Variants in HLA-DQB1 observed in about 807,000 individuals in gnomAD.
The protein encoded by HLA-DQB1 is HLA class II histocompatibility antigen, DQ beta 1 chain.
Under a neutral mutation model 26.4 loss-of-function variants are expected in HLA-DQB1, and 13 were observed. That is an observed-to-expected ratio of 0.49 (90% CI 0.32 to 0.78). HLA-DQB1 has a LOEUF of 0.78. Among genes scored for constraint, HLA-DQB1 ranks in the 30% least tolerant of loss-of-function variants. The pLI, the probability that HLA-DQB1 is intolerant of heterozygous loss-of-function variation, is 0.03. For synonymous variants in HLA-DQB1, 60 were observed against 129.1 expected (o/e 0.46, Z 3.63); for missense variants, 158 against 326.2 (o/e 0.48, Z 3.97).
Position 32,662,254 on chromosome 6 carries a change from G to T in HLA-DQB1, c.380-6C>A, listed in dbSNP as rs281864105. The T allele has an allele frequency of 4.0e-6, 5 of 1,265,770 alleles. No individual in the cohort carries two copies. The highest frequency in any genetic ancestry group is 3.2e-6 in the Non-Finnish European group (3 of 931,636). The allele number at this position is 1,265,770 out of a possible 1,614,324, so 78.4% of individuals were successfully genotyped here. A position where few individuals can be genotyped will look rare whatever the true frequency, so the allele number is the denominator to read the frequency against. On this transcript the variant is annotated splice_polypyrimidine_tract_variant and splice_region_variant and intron_variant, in intron 2 of 4. Transcript: ENST00000434651. ...GATGGTCACTGTGGGCTCCACTGAGGGCAGTAACAGACAGGAAAAGACATA... is the reference window on the plus strand; with the variant it reads ...GATGGTCACTGTGGGCTCCACTGAGTGCAGTAACAGACAGGAAAAGACATA...
At chr6:32,665,578 G>A (rs281861605) in intron 1 of HLA-DQB1, among the ~76,000 whole-genome samples, 5,231 of 115,752 alleles carry the variant, frequency 0.045, 1,179 homozygotes, top group East Asian at 0.13. Context: ...CCCAAGTCCC[G>A]TTGAGGTTCA....
chr6:32,662,377 G>T (rs281864020), intron 2 of HLA-DQB1, 129 bp from the exon 3 acceptor site: 1 of 405,300 alleles, frequency 2.5e-6, no homozygotes, highest in Non-Finnish European at 4.1e-6. Context: ...CTTGGATTAA[G>T]GTTCATTCAA....
At chr6:32,662,027 C>T (rs1783120573) in exon 3 of HLA-DQB1, 6 of 1,499,362 alleles carry the variant, frequency 4.0e-6, no homozygotes, top group Non-Finnish European at 4.6e-6. Flanking sequence ...GTGTAGACAT[C>T]TCCACGCTGG....
rs9274333 is a variant in HLA-DQB1, at chr6:32,664,497, C to A, written c.379+301G>T. 548 of 166,928 alleles carry A rather than the reference C, an allele frequency of 3.3e-3. 10 individuals are homozygous for A. Among genetic ancestry groups the A allele is most frequent in the African/African-American group, 6.1e-3 (164 of 27,060 alleles). 10.3% of individuals were successfully genotyped at this position (166,928 alleles called of 1,614,324 possible). The stretch of plus-strand genomic sequence containing the variant: ...AGAACTGCTTAGCGAAGGTAAGGTA[C>A]GAGGAGGCAAACACATAAGGCACGA... On this transcript the variant is annotated intron_variant, in intron 2 of 4. Transcript: ENST00000434651.
exon 5 of HLA-DQB1, chr6:32,660,114 A>G: frequency 4.1e-6 from 2 of 482,528 alleles, no homozygotes; most frequent in South Asian, 2.6e-5. Context: ...GCTGCGTGAC[A>G]GCCACTGTAG....
chr6:32,660,532 C>A (rs1582047432), intron 4 of HLA-DQB1: 3 of 344,384 alleles, frequency 8.7e-6, no homozygotes, highest in African/African-American at 4.2e-5. Context: ...TCTTCCCGAC[C>A]ACTAGCAGCC....
exon 5 of HLA-DQB1, chr6:32,660,066 A>ATCC (rs796842827): frequency 1.1e-5 from 4 of 376,774 alleles, no homozygotes; most frequent in African/African-American, 4.6e-5. Context: ...AGTCACAGCC[A>ATCC]GCGCCTTGGG....
At chr6:32,666,138 A>G (rs281861152) in intron 1 of HLA-DQB1, among the ~76,000 whole-genome samples, 1 of 87,306 alleles carries the variant, frequency 1.1e-5, no homozygotes, top group South Asian at 7.3e-4. Flanking sequence ...TCCTAAGTCC[A>G]GGCAGTCTTG....
At chr6:32,665,810 G>A (rs281861406) in intron 1 of HLA-DQB1, among the ~76,000 whole-genome samples, 2 of 73,970 alleles carry the variant, frequency 2.7e-5, no homozygotes, top group African/African-American at 9.0e-5. Context: ...GAGTGAGAGA[G>A]AAGTTATATA....
At chr6:32,663,358 TG>T (rs1783394167) in intron 2 of HLA-DQB1, 1 of 146,248 alleles carries the variant, frequency 6.8e-6, no homozygotes, top group Non-Finnish European at 1.5e-5. Context: ...TTTGTGAACC[TG>T]CATAGATAAC....
chr6:32,664,604 T>C (rs9274348), intron 2 of HLA-DQB1, 194 bp downstream of exon 2: 34,327 of 248,982 alleles, frequency 0.14, 9,736 homozygotes, highest in Admixed American at 0.19. Context: ...CCAACTCTGC[T>C]TGTCCCCCTG....
exon 1 of HLA-DQB1, chr6:32,666,617 G>A (rs34236112): frequency 0.018 from 17,012 of 959,348 alleles, 1,372 homozygotes; most frequent in South Asian, 0.14. Context: ...TAACTGAGAC[G>A]AAGGGAAAAG....
At chr6:32,660,780 TGTGGTCAGGTAC>T in intron 4 of HLA-DQB1, 15 of 791,112 alleles carry the variant, frequency 1.9e-5, no homozygotes, top group Non-Finnish European at 2.6e-5. Flanking sequence ...CATGGACCAC[TGTGGTCAGGTAC>T]ACTCAGCTCA....
intron 4 of HLA-DQB1, chr6:32,660,771 AT>A (rs1292446225): frequency 1.4e-5 from 7 of 497,108 alleles, no homozygotes; most frequent in Non-Finnish European, 2.3e-5. Flanking sequence ...GGCCATGAAC[AT>A]GGACCACTGT....
exon 5 of HLA-DQB1, chr6:32,660,225 A>T: frequency 1.0e-6 from 1 of 975,448 alleles, no homozygotes; most frequent in Non-Finnish European, 1.5e-6. Flanking sequence ...TAGTTAAAAT[A>T]GTCTCAGGAG....
intron 1 of HLA-DQB1, among the ~76,000 whole-genome samples, chr6:32,665,724 A>G (rs112017333): frequency 0.18 from 25,169 of 138,828 alleles, 3,419 homozygotes; most frequent in African/African-American, 0.2. Context: ...TGGGCAGGTT[A>G]TGTAACAGAA....
At position 32,665,407 on chromosome 6, in the gene HLA-DQB1, T is replaced by C. The variant is rs1310990264; in HGVS notation, c.110-340A>G. 2.8e-5 allele frequency among the ~76,000 whole-genome samples: 4 copies of C among 140,514 alleles called. 1 individual carries two copies. The South Asian group carries it at 9.2e-4, about 32-fold the overall frequency. The allele number at this position is 140,514 out of a possible 152,430, so 92.2% of individuals were successfully genotyped here. A position where few individuals can be genotyped will look rare whatever the true frequency, so the allele number is the denominator to read the frequency against. ...TTCTCGCATGAAATCCCATTTTTCA[T>C]GAAGCTCCTGGATACCTCAGAGATA... On this transcript the variant is annotated intron_variant, in intron 1 of 4. Transcript: ENST00000434651.
chr6:32,661,717 A>G, intron 3 of HLA-DQB1: 1 of 447,050 alleles, frequency 2.2e-6, no homozygotes, highest in South Asian at 3.2e-5. Flanking sequence ...CACCAGCCCT[A>G]AGAATCAGTC....
intron 4 of HLA-DQB1, chr6:32,660,910 G>T (rs1416611900): frequency 3.3e-6 from 5 of 1,502,838 alleles, no homozygotes; most frequent in African/African-American, 1.4e-5. Flanking sequence ...GCAGAGAAAG[G>T]TCTCATTACA....
Sources: allele counts gnomAD v4.1 joint callset (sites outside exome capture counted in the v4.1 genomes callset), GRCh38; gene constraint gnomAD v4.1.1; transcripts MANE v1.5; gene names NCBI Gene and HGNC (gene_info 2026-07-23, HGNC 2026-07-21).